The following RPAP2 variants were observed in gnomAD, a reference collection of about 807,000 sequenced individuals.
RPAP2 encodes the protein putative RNA polymerase II subunit B1 CTD phosphatase RPAP2.
A neutral mutation model predicts 73.1 loss-of-function variants in RPAP2; 52 were observed. That is an observed-to-expected ratio of 0.71 (90% CI 0.57 to 0.90). The LOEUF (loss-of-function observed/expected upper bound fraction) is 0.90, where lower values mean the gene tolerates loss of function less well. Ranked by LOEUF, RPAP2 falls within the 40% of genes least tolerant of loss-of-function variation. The pLI, the probability that RPAP2 is intolerant of heterozygous loss-of-function variation, is 0.00. For synonymous variants in RPAP2, 225 were observed against 242.1 expected, an observed-to-expected ratio of 0.93 and a Z score of 0.65; for missense variants, 598 against 701.8, an observed-to-expected ratio of 0.85 and a Z score of 1.67.
At chr1:92,386,600 G>T (rs954798424) in intron 12 of RPAP2, among the ~76,000 whole-genome samples, 1 of 152,158 alleles carries the variant, frequency 6.6e-6, no homozygotes, top group Non-Finnish European at 1.5e-5. Flanking sequence ...ACTGTTGTTG[G>T]GTAGAATATA....
chr1:92,338,319 T>C (rs747288697), intron 10 of RPAP2, among the ~76,000 whole-genome samples: 3 of 152,244 alleles, frequency 2.0e-5, no homozygotes, highest in Non-Finnish European at 4.4e-5. Context: ...AATCCTCAGA[T>C]TGGCCTTGGC....
intron 11 of RPAP2, among the ~76,000 whole-genome samples, chr1:92,347,446 C>T (rs911514004): frequency 1.3e-5 from 2 of 152,184 alleles, no homozygotes; most frequent in East Asian, 1.9e-4. Context: ...CTTTTTTGGT[C>T]GACAAGTCAG....
chr1:92,375,584 A>C (rs772203225), intron 11 of RPAP2, among the ~76,000 whole-genome samples: 4 of 152,122 alleles, frequency 2.6e-5, no homozygotes, highest in Admixed American at 1.3e-4. Flanking sequence ...TAATCTCAGC[A>C]CTTTGGGAGG....
chr1:92,375,430 C>G (rs147987328), intron 11 of RPAP2, among the ~76,000 whole-genome samples: 2 of 152,162 alleles, frequency 1.3e-5, no homozygotes, highest in East Asian at 1.9e-4. Flanking sequence ...TGCAGTGGCT[C>G]ACACCTGTAA....
rs536172243 is a variant in RPAP2 at position 92,398,940 on chromosome 1, G to A, written c.*11929G>A. ...TAGCAAAATATGAACTTTTGTAAAA[G>A]GTCCACACCCAGCCAGTTTTCTACT... On this transcript the variant is annotated 3_prime_UTR_variant, in exon 13 of 13. Coordinates refer to ENST00000610020, the MANE Select transcript of RPAP2 (RefSeq NM_024813.3). 1 of 152,328 alleles carries A rather than the reference G, an allele frequency of 6.6e-6. No individual in the cohort carries two copies. Among genetic ancestry groups the A allele is most frequent in the African/African-American group, 2.4e-5 (1 of 41,580 alleles). 9.4% of individuals were successfully genotyped at this position (152,328 alleles called of 1,614,324 possible).
intron 11 of RPAP2, among the ~76,000 whole-genome samples, chr1:92,370,058 T>C (rs1008706199): frequency 3.3e-5 from 5 of 152,144 alleles, no homozygotes; most frequent in African/African-American, 1.2e-4. Flanking sequence ...CTAATTTTTG[T>C]ATTTTTAGTA....
chr1:92,319,815 A>G (rs1296930323), intron 6 of RPAP2, among the ~76,000 whole-genome samples: 2 of 152,180 alleles, frequency 1.3e-5, no homozygotes, highest in Non-Finnish European at 2.9e-5. Flanking sequence ...CCTGACCAAC[A>G]TGGAGAAACC....
At chr1:92,378,701 T>A (rs1007496159) in intron 11 of RPAP2, among the ~76,000 whole-genome samples, 3 of 152,190 alleles carry the variant, frequency 2.0e-5, no homozygotes, top group Non-Finnish European at 4.4e-5. Flanking sequence ...AAGCTAGAGT[T>A]AGCTTCTCGG....
chr1:92,325,823 T>C (rs1652593107), intron 8 of RPAP2, among the ~76,000 whole-genome samples: 2 of 152,302 alleles, frequency 1.3e-5, no homozygotes, highest in African/African-American at 4.8e-5. Context: ...GTGTCCAGTT[T>C]ATTTCATGCA....
chr1:92,333,006 G>A (rs973501686), intron 8 of RPAP2, among the ~76,000 whole-genome samples: 1 of 151,784 alleles, frequency 6.6e-6, no homozygotes, highest in African/African-American at 2.4e-5. Context: ...AATGGTTAGG[G>A]GTCAAATGAC....
At position 92,301,471 on chromosome 1, in the gene RPAP2, T is replaced by G; in HGVS notation, c.120-5T>G. 6.5e-7 allele frequency: 1 copy of G among 1,531,510 alleles called. No individual in the cohort carries two copies. Among genetic ancestry groups the G allele is most frequent in the East Asian group, 2.3e-5 (1 of 43,222 alleles). The allele number at this position is 1,531,510 out of a possible 1,614,324, so 94.9% of individuals were successfully genotyped here. ...AGTAGATTAAGTTTCTCTTTCAAAT[T>G]TTAGGAAAGCTGAACTAGAAGCAGC... On this transcript the variant is annotated splice_polypyrimidine_tract_variant and splice_region_variant and intron_variant, in intron 2 of 12. Coordinates refer to ENST00000610020, the MANE Select transcript of RPAP2 (RefSeq NM_024813.3).
At chr1:92,336,539 C>A in intron 10 of RPAP2, 112 bp downstream of exon 10, 1 of 691,248 alleles carries the variant, frequency 1.4e-6, no homozygotes, top group South Asian at 1.8e-5. Flanking sequence ...TGTCACAGAT[C>A]TAAATACAGT....
intron 11 of RPAP2, 53 bp from the exon 12 acceptor site, chr1:92,380,671 C>G: frequency 1.5e-6 from 2 of 1,331,158 alleles, no homozygotes; most frequent in Non-Finnish European, 2.0e-6. Flanking sequence ...GATAGGAGTC[C>G]CTTTGCCCTT....
chr1:92,346,982 C>T (rs1275627586), intron 11 of RPAP2, among the ~76,000 whole-genome samples: 1 of 152,096 alleles, frequency 6.6e-6, no homozygotes, highest in African/African-American at 2.4e-5. Flanking sequence ...CCTCTCCAGC[C>T]CTGCTTTCTC....
chr1:92,382,976 C>T (rs1165530374), intron 12 of RPAP2, among the ~76,000 whole-genome samples: 6 of 151,916 alleles, frequency 3.9e-5, no homozygotes, highest in South Asian at 2.1e-4. Flanking sequence ...CAGTTTCAGC[C>T]TTCTACATAT....
At chr1:92,326,023 G>C (rs1032439176) in intron 8 of RPAP2, among the ~76,000 whole-genome samples, 1 of 151,588 alleles carries the variant, frequency 6.6e-6, no homozygotes, top group Non-Finnish European at 1.5e-5. Context: ...GCTAATATGC[G>C]TATGTATTTC....
chr1:92,373,732 C>CAAAAAA (rs1571140959), intron 11 of RPAP2, among the ~76,000 whole-genome samples: 1 of 34,604 alleles, frequency 2.9e-5, no homozygotes, highest in Non-Finnish European at 5.1e-5. Flanking sequence ...CCCGTCTCTA[C>CAAAAAA]TAAAAATAAA....
chr1:92,300,477 A>T (rs1459036497), intron 2 of RPAP2, among the ~76,000 whole-genome samples: 1 of 152,182 alleles, frequency 6.6e-6, no homozygotes, highest in Non-Finnish European at 1.5e-5. Context: ...GTGTCTGTAG[A>T]AGGTGTTTGT....
At position 92,359,167 on chromosome 1, in the gene RPAP2, C is replaced by T. The variant is rs562348245; in HGVS notation, c.1688+13253C>T. Reference sequence around the variant, plus strand: ...AAGAGACAAATTATGAGAAACACTACAGCTCTAGAATCCACAGGATTTTGA... The same window carrying T: ...AAGAGACAAATTATGAGAAACACTATAGCTCTAGAATCCACAGGATTTTGA... On this transcript the variant is annotated intron_variant, in intron 11 of 12. Coordinates refer to ENST00000610020, the MANE Select transcript of RPAP2 (RefSeq NM_024813.3). Among the ~76,000 whole-genome samples the T allele has an allele frequency of 2.6e-5, 4 of 152,338 alleles. No individual in the cohort carries two copies. In the South Asian group the frequency reaches 8.3e-4, roughly 32 times the overall value.
Sources: allele counts gnomAD v4.1 joint callset (sites outside exome capture counted in the v4.1 genomes callset), GRCh38; gene constraint gnomAD v4.1.1; transcripts MANE v1.5; gene names NCBI Gene and HGNC (gene_info 2026-07-23, HGNC 2026-07-21).